Variants in LIMCH1 observed in about 807,000 individuals in gnomAD.
The protein encoded by LIMCH1 is LIM and calponin homology domains-containing protein 1.
Under a neutral mutation model 176.5 loss-of-function variants are expected in LIMCH1, and 113 were observed. The observed-to-expected ratio is 0.64, with a 90% CI of 0.55 to 0.75. The LOEUF is 0.75. Ranked by LOEUF, LIMCH1 falls within the 30% of genes least tolerant of loss-of-function variation. The pLI is 0.00. For missense variants in LIMCH1, 1,674 were observed against 1,814.9 expected (o/e 0.92, Z 1.41); for synonymous variants, 619 against 645.9 (o/e 0.96, Z 0.63).
chr4:41,490,763 A>T (rs919809067), intron 1 of LIMCH1, among the ~76,000 whole-genome samples: 1 of 152,146 alleles, frequency 6.6e-6, no homozygotes, highest in African/African-American at 2.4e-5. Context: ...CGCCATCGTT[A>T]TCACGGCCCG....
intron 1 of LIMCH1, among the ~76,000 whole-genome samples, chr4:41,444,529 C>G (rs1214205696): frequency 1.3e-5 from 2 of 152,152 alleles, no homozygotes; most frequent in Admixed American, 6.5e-5. Flanking sequence ...TGTGGTGTCT[C>G]TTCATTGGCC....
chr4:41,466,362 A>G (rs1310364512), intron 1 of LIMCH1, among the ~76,000 whole-genome samples: 1 of 152,210 alleles, frequency 6.6e-6, no homozygotes, highest in Non-Finnish European at 1.5e-5. Flanking sequence ...AAAAAATGGC[A>G]ATGCCCAGGC....
In LIMCH1 at chr4:41,599,199, T is replaced by C. The variant is rs1054339097; in HGVS notation, c.-134+173T>C. On this transcript the variant is annotated intron_variant, in intron 2 of 31. Transcript: ENST00000503057. ...CTCACATTGACTTTCCCTCTGTGCATAGCTTTCATTCTGATCAAACATCAT... is the reference window on the plus strand; with the variant it reads ...CTCACATTGACTTTCCCTCTGTGCACAGCTTTCATTCTGATCAAACATCAT... 5 of 531,814 alleles carry C rather than the reference T, an allele frequency of 9.4e-6. No individual in the cohort carries two copies. The African/African-American group carries it at 9.6e-5, about 10-fold the overall frequency. 32.9% of individuals were successfully genotyped at this position (531,814 alleles called of 1,614,324 possible). A position where few individuals can be genotyped will look rare whatever the true frequency, so the allele number is the denominator to read the frequency against.
chr4:41,429,373 G>A (rs1031062912), intron 1 of LIMCH1, among the ~76,000 whole-genome samples: 1 of 151,896 alleles, frequency 6.6e-6, no homozygotes, highest in African/African-American at 2.4e-5. Flanking sequence ...CCGAGTGAAG[G>A]GTACTCATTT....
At chr4:41,470,632 C>T (rs775118131) in intron 1 of LIMCH1, among the ~76,000 whole-genome samples, 1 of 152,172 alleles carries the variant, frequency 6.6e-6, no homozygotes, top group Non-Finnish European at 1.5e-5. Flanking sequence ...TTCTATTGCC[C>T]CAGATCCAAC....
At chr4:41,609,118 T>G (rs1387058597) in intron 4 of LIMCH1, among the ~76,000 whole-genome samples, 7 of 152,100 alleles carry the variant, frequency 4.6e-5, no homozygotes, top group Admixed American at 1.3e-4. Context: ...TACTCCTGTT[T>G]CAGGGGGTGA....
chr4:41,538,213 G>C lies in LIMCH1; in HGVS notation c.-378G>C, dbSNP rs1283836412. ...CAGAGCAGGGGTTGGCAGTGGTGAC[G>C]ACTGTTTTGGGAAAGGAAATGTAAG... On this transcript the variant is annotated 5_prime_UTR_variant, in exon 1 of 32. Coordinates refer to ENST00000503057, the MANE Select transcript of LIMCH1 (RefSeq NM_001330672.2). The C allele has an allele frequency of 1.0e-6, 1 of 985,522 alleles. No homozygotes were observed. Among genetic ancestry groups the C allele is most frequent in the African/African-American group, 1.7e-5 (1 of 57,238 alleles). The allele number at this position is 985,522 out of a possible 1,614,324, so 61.0% of individuals were successfully genotyped here.
intron 1 of LIMCH1, among the ~76,000 whole-genome samples, chr4:41,557,753 T>C (rs556124026): frequency 2.6e-4 from 40 of 152,216 alleles, no homozygotes; most frequent in African/African-American, 9.6e-4. Context: ...CCACATAGGG[T>C]GAAGGTGTTC....
upstream of LIMCH1, among the ~76,000 whole-genome samples, chr4:41,535,205 C>T (rs1019419491): frequency 6.7e-6 from 1 of 149,086 alleles, no homozygotes; most frequent in Non-Finnish European, 1.5e-5. Flanking sequence ...GAAAGATCTT[C>T]ATATAATTGA....
intron 5 of LIMCH1, among the ~76,000 whole-genome samples, chr4:41,615,946 T>C (rs2092009969): frequency 6.6e-6 from 1 of 152,190 alleles, no homozygotes; most frequent in South Asian, 2.1e-4. Context: ...AGCTACCTGG[T>C]AGGATGCTGT....
At chr4:41,547,085 A>G (rs893561800) in intron 1 of LIMCH1, among the ~76,000 whole-genome samples, 4 of 152,224 alleles carry the variant, frequency 2.6e-5, no homozygotes, top group African/African-American at 9.6e-5. Flanking sequence ...AGGTGATGTT[A>G]TGATGTCTAT....
intron 1 of LIMCH1, among the ~76,000 whole-genome samples, chr4:41,427,772 C>T (rs1049847379): frequency 6.6e-6 from 1 of 152,132 alleles, no homozygotes; most frequent in Non-Finnish European, 1.5e-5. Context: ...CAAAACAGGA[C>T]GTCTTCCTTC....
chr4:41,622,582 T>A (rs2092663124), intron 7 of LIMCH1, among the ~76,000 whole-genome samples: 1 of 151,990 alleles, frequency 6.6e-6, no homozygotes, highest in African/African-American at 2.4e-5. Flanking sequence ...AGAAGAGAAG[T>A]GGGGTAAAGG....
At chr4:41,366,181 C>T (rs2052947070) in intron 1 of LIMCH1, among the ~76,000 whole-genome samples, 1 of 152,156 alleles carries the variant, frequency 6.6e-6, no homozygotes, top group Non-Finnish European at 1.5e-5. Flanking sequence ...GTTAATGATG[C>T]TGATGTTGCT....
intron 1 of LIMCH1, among the ~76,000 whole-genome samples, chr4:41,415,116 C>G (rs1023628360): frequency 2.0e-5 from 3 of 152,124 alleles, no homozygotes; most frequent in Non-Finnish European, 4.4e-5. Flanking sequence ...TCAATAATTA[C>G]TAGCTACAGT....
chr4:41,576,856 A>G (rs1280432066), intron 1 of LIMCH1, among the ~76,000 whole-genome samples: 1 of 152,220 alleles, frequency 6.6e-6, no homozygotes, highest in Non-Finnish European at 1.5e-5. Context: ...AAATATTAAA[A>G]TATGGAGGAG....
intron 7 of LIMCH1, among the ~76,000 whole-genome samples, chr4:41,623,306 C>G (rs2092711817): frequency 6.6e-6 from 1 of 152,172 alleles, no homozygotes; most frequent in African/African-American, 2.4e-5. Context: ...TTGCACCCAA[C>G]AAGAGGACCA....
chr4:41,460,516 A>G (rs775023036), intron 1 of LIMCH1, among the ~76,000 whole-genome samples: 5 of 145,328 alleles, frequency 3.4e-5, no homozygotes, highest in South Asian at 2.2e-4. Flanking sequence ...AATATACACA[A>G]AAAGATTTTT....
intron 26 of LIMCH1, among the ~76,000 whole-genome samples, chr4:41,682,675 C>CTTTTTT (rs200784058): frequency 1.8e-4 from 26 of 142,398 alleles, no homozygotes; most frequent in South Asian, 2.2e-4. Context: ...TTTTCTTCTT[C>CTTTTTT]TTCTTTTTTT....
Sources: allele counts gnomAD v4.1 joint callset (sites outside exome capture counted in the v4.1 genomes callset), GRCh38; gene constraint gnomAD v4.1.1; transcripts MANE v1.5; gene names NCBI Gene and HGNC (gene_info 2026-07-23, HGNC 2026-07-21).